The following DNAJC11 variants were observed in gnomAD, a reference collection of about 807,000 sequenced individuals.
DNAJC11 encodes DnaJ heat shock protein family (Hsp40) member C11.
DNAJC11 carries 15 observed loss-of-function variants against 78.6 expected under a neutral mutation model. That is an observed-to-expected ratio of 0.19 (90% confidence interval 0.13 to 0.29). The LOEUF (loss-of-function observed/expected upper bound fraction) is 0.29. DNAJC11 is among the 10% of genes least tolerant of loss of function. The probability of loss-of-function intolerance (pLI) is 1.00; values close to 1 mark genes in which losing one functional copy is unlikely to be tolerated. For synonymous variants in DNAJC11, 292 were observed against 272.1 expected, an observed-to-expected ratio of 1.07 and a Z score of -0.72; for missense variants, 547 against 709.6, an observed-to-expected ratio of 0.77 and a Z score of 2.60.
intron 10 of DNAJC11, among the ~76,000 whole-genome samples, chr1:6,640,606 C>T (rs575639694): frequency 6.6e-6 from 1 of 151,770 alleles, no homozygotes; most frequent in Non-Finnish European, 1.5e-5. Flanking sequence ...CTGAGGTGGG[C>T]GAATCACCTG....
chr1:6,668,061 T>TA (rs1642319247), intron 3 of DNAJC11: 1 of 425,690 alleles, frequency 2.3e-6, no homozygotes, highest in Non-Finnish European at 4.2e-6. Flanking sequence ...CAGAGTGACT[T>TA]AAACATTCTT....
chr1:6,636,696 G>A (rs1208137074), intron 14 of DNAJC11, among the ~76,000 whole-genome samples: 2 of 152,216 alleles, frequency 1.3e-5, no homozygotes, highest in East Asian at 3.9e-4. Context: ...TTACTGAGTG[G>A]TGAAAGAAAT....
intron 4 of DNAJC11, among the ~76,000 whole-genome samples, chr1:6,656,023 A>T (rs200439): frequency 6.7e-6 from 1 of 149,830 alleles, no homozygotes; most frequent in Non-Finnish European, 1.5e-5. Flanking sequence ...AATTGCTTCA[A>T]CTTGTGAGGC....
chr1:6,636,940 C>T (rs2148725960), intron 14 of DNAJC11, among the ~76,000 whole-genome samples: 1 of 152,274 alleles, frequency 6.6e-6, no homozygotes, highest in Non-Finnish European at 1.5e-5. Flanking sequence ...CCTCAACCTC[C>T]TGGGCTCAAC....
intron 1 of DNAJC11, among the ~76,000 whole-genome samples, chr1:6,699,729 T>C (rs924066967): frequency 1.3e-5 from 2 of 151,902 alleles, no homozygotes; most frequent in African/African-American, 2.4e-5. Flanking sequence ...GTTCTGCACA[T>C]GTATCCTGGA....
chr1:6,637,049 C>G, intron 14 of DNAJC11, 149 bp downstream of exon 14: 1 of 978,336 alleles, frequency 1.0e-6, no homozygotes, highest in South Asian at 1.6e-5. Context: ...AGGGTTTTGC[C>G]ATGTTGCCTA....
intron 7 of DNAJC11, among the ~76,000 whole-genome samples, chr1:6,647,871 C>A (rs1641990176): frequency 6.6e-6 from 1 of 152,036 alleles, no homozygotes; most frequent in Admixed American, 6.6e-5. Context: ...ACACATCACC[C>A]CCTTGTTTAT....
intron 7 of DNAJC11, among the ~76,000 whole-genome samples, chr1:6,649,003 A>T (rs951178001): frequency 2.6e-5 from 4 of 151,074 alleles, no homozygotes; most frequent in Non-Finnish European, 4.4e-5. Flanking sequence ...TTTAAAAAAA[A>T]TTTTTCTCGG....
At chr1:6,639,353 C>T (rs536906838) in intron 11 of DNAJC11, among the ~76,000 whole-genome samples, 6 of 147,654 alleles carry the variant, frequency 4.1e-5, no homozygotes, top group Admixed American at 6.7e-5. Flanking sequence ...TTTTTGAGAC[C>T]GAGTCTTGCT....
At chr1:6,701,294 T>C (rs1014717545) in intron 1 of DNAJC11, among the ~76,000 whole-genome samples, 1 of 152,128 alleles carries the variant, frequency 6.6e-6, no homozygotes, top group Non-Finnish European at 1.5e-5. Flanking sequence ...CTAGTGGCCT[T>C]GACCTTGGTG....
Position 6,680,999 on chromosome 1 carries a change from G to A in DNAJC11, c.111C>T (p.Leu37=), listed in dbSNP as rs1642542149. The change falls in exon 2 of 16, where the codon CTC becomes CTT. Residue 37 remains leucine (L), a synonymous_variant. Coordinates refer to ENST00000377577, the MANE Select transcript of DNAJC11 (RefSeq NM_018198.4). This position sits in a 1 kb window ranked among gnomAD's most constrained non-coding sequence, Gnocchi z 4.0. ...SEELKAAYRR[L]CMLYHPDKHR... is the part of the protein sequence containing the mutation. ...GCTTGTCTGGATGGTAGAGCATACAGAGCCTCCGGTAGGCAGCTTTCAGCT... is the reference window on the plus strand; with the variant it reads ...GCTTGTCTGGATGGTAGAGCATACAAAGCCTCCGGTAGGCAGCTTTCAGCT... The A allele has an allele frequency of 6.2e-7, 1 of 1,614,040 alleles. No individual in the cohort carries two copies. The highest frequency in any genetic ancestry group is 8.5e-7 in the Non-Finnish European group (1 of 1,179,928).
Position 6,634,532 on chromosome 1 carries a change from A to G in DNAJC11, c.*1143T>C, listed in dbSNP as rs757842300. The stretch of plus-strand genomic sequence containing the variant: ...GCCCCCCGCGCCAGCTGTCTCAGCC[A>G]CCACCTGTGCGGCGCTTGCTCCGAG... On this transcript the variant is annotated 3_prime_UTR_variant, in exon 16 of 16. Transcript: ENST00000377577. 2 of 1,362,998 alleles carry G rather than the reference A, an allele frequency of 1.5e-6. No individual in the cohort carries two copies. The highest frequency in any genetic ancestry group is 3.8e-5 in the Admixed American group (2 of 52,056). 84.4% of individuals were successfully genotyped at this position (1,362,998 alleles called of 1,614,324 possible). A position where few individuals can be genotyped will look rare whatever the true frequency, so the allele number is the denominator to read the frequency against.
chr1:6,642,618 C>A (rs1013524206), intron 10 of DNAJC11, among the ~76,000 whole-genome samples: 1 of 152,064 alleles, frequency 6.6e-6, no homozygotes, highest in African/African-American at 2.4e-5. Flanking sequence ...AGCGGGAGAA[C>A]TACTTGAAGC....
intron 10 of DNAJC11, among the ~76,000 whole-genome samples, chr1:6,644,132 T>A (rs933225623): frequency 8.6e-5 from 13 of 151,538 alleles, no homozygotes; most frequent in Non-Finnish European, 1.5e-5. Flanking sequence ...GGCTGAATTT[T>A]TTTTTTTATA....
At chr1:6,654,929 G>C (rs1642105516) in intron 4 of DNAJC11, among the ~76,000 whole-genome samples, 3 of 152,126 alleles carry the variant, frequency 2.0e-5, no homozygotes. Flanking sequence ...CTCCCGAGTA[G>C]CTGGGACTAC....
intron 3 of DNAJC11, chr1:6,670,891 A>T (rs1290246990): frequency 6.6e-6 from 1 of 152,216 alleles, no homozygotes; most frequent in Non-Finnish European, 1.5e-5. Flanking sequence ...TTATCTTCTC[A>T]ATCTCATGTC....
At position 6,677,042 on chromosome 1, in the gene DNAJC11, G is replaced by A. The variant is rs187933362; in HGVS notation, c.276+1352C>T. Among the ~76,000 whole-genome samples the A allele has an allele frequency of 3.5e-4, 53 of 151,720 alleles. No individual in the cohort carries two copies. The East Asian group carries it at 4.9e-3, about 14-fold the overall frequency. ...TACAAAATTAGCTGGGTGTAGTGGC[G>A]CATGCCTTGTAATCCCAGCTACTCA... On this transcript the variant is annotated intron_variant, in intron 3 of 15. Transcript: ENST00000377577.
chr1:6,648,541 C>T (rs191269528), intron 7 of DNAJC11, among the ~76,000 whole-genome samples: 1 of 152,098 alleles, frequency 6.6e-6, no homozygotes. Context: ...ACTGCAGCCT[C>T]GACCTCCTGG....
chr1:6,674,727 CAA>C (rs879363282), intron 3 of DNAJC11, among the ~76,000 whole-genome samples: 1 of 136,366 alleles, frequency 7.3e-6, no homozygotes. Flanking sequence ...GACTCTGTCT[CAA>C]AAAAAAAAAA....
Sources: gnomAD v4.1 joint callset for allele counts (sites outside exome capture counted in the v4.1 genomes callset) on GRCh38, gnomAD v4.1.1 for gene constraint, Gnocchi (gnomAD v3.1) non-coding constraint, MANE v1.5 for transcripts, NCBI Gene and HGNC (gene_info 2026-07-23, HGNC 2026-07-21) for gene names.